The following NPHP4 variants were observed in gnomAD, a reference collection of about 807,000 sequenced individuals.
The protein encoded by NPHP4 is nephrocystin 4.
In NPHP4, 151 loss-of-function variants were observed where a neutral mutation model predicts 155.8. That is an observed-to-expected ratio of 0.97 (90% CI 0.85 to 1.11). The LOEUF (loss-of-function observed/expected upper bound fraction) is 1.11. NPHP4 is among the 50% of genes least tolerant of loss of function. The probability of loss-of-function intolerance (pLI) is 0.00; values close to 1 mark genes in which losing one functional copy is unlikely to be tolerated. For synonymous variants in NPHP4, 845 were observed against 816.8 expected, an observed-to-expected ratio of 1.03 and a Z score of -0.59; for missense variants, 1,956 against 1,925.7, an observed-to-expected ratio of 1.02 and a Z score of -0.29.
chr1:5,907,452 T>C (rs1644966980), intron 12 of NPHP4, among the ~76,000 whole-genome samples: 1 of 152,214 alleles, frequency 6.6e-6, no homozygotes, highest in South Asian at 2.1e-4. Flanking sequence ...CAGATCATAA[T>C]ATCTGAATAA....
At chr1:5,909,849 T>G (rs1230549319) in intron 11 of NPHP4, among the ~76,000 whole-genome samples, 1 of 152,134 alleles carries the variant, frequency 6.6e-6, no homozygotes, top group Non-Finnish European at 1.5e-5. Flanking sequence ...ATCCAGGGGC[T>G]GCCTAAAGAG....
rs2100459029 is a variant in NPHP4 at position 5,867,410 on chromosome 1, T to G, written c.3473-295A>C. 1.8e-6 allele frequency: 1 copy of G among 547,252 alleles called. No homozygotes were observed. The highest frequency in any genetic ancestry group is 3.3e-6 in the Non-Finnish European group (1 of 306,968). 33.9% of individuals were successfully genotyped at this position (547,252 alleles called of 1,614,324 possible). On this transcript the variant is annotated intron_variant, in intron 24 of 29. Coordinates refer to ENST00000378156, the MANE Select transcript of NPHP4 (RefSeq NM_015102.5). The surrounding 1 kb of genome is among the most constrained non-coding windows in gnomAD (Gnocchi z 4.1). ...CTCCCTGGAGCAGGGAAGCCTGCACTCTGCTGTAAGGGGCACCTACCAGAA... is the reference window on the plus strand; with the variant it reads ...CTCCCTGGAGCAGGGAAGCCTGCACGCTGCTGTAAGGGGCACCTACCAGAA...
intron 28 of NPHP4, 38 bp downstream of exon 28, chr1:5,864,300 C>A: frequency 6.5e-7 from 1 of 1,547,986 alleles, no homozygotes; most frequent in South Asian, 1.2e-5. Flanking sequence ...GGTATTGAGC[C>A]CCCATCCCCT....
intron 1 of NPHP4, among the ~76,000 whole-genome samples, chr1:5,990,010 G>A (rs528529873): frequency 5.9e-5 from 9 of 152,322 alleles, no homozygotes; most frequent in Admixed American, 3.9e-4. Flanking sequence ...CACGGAGGCC[G>A]AGGTGACACC....
chr1:5,948,326 C>T (rs1463954790), intron 7 of NPHP4, 75 bp from the exon 8 acceptor site: 27 of 1,158,206 alleles, frequency 2.3e-5, no homozygotes, highest in South Asian at 2.3e-4. Context: ...CTGGGGGAGG[C>T]GAGCAGAGAG....
chr1:5,875,521 G>C (rs540544090), intron 20 of NPHP4, among the ~76,000 whole-genome samples: 2 of 152,350 alleles, frequency 1.3e-5, no homozygotes, highest in South Asian at 2.1e-4. Context: ...GTCCACAGGA[G>C]AGGACATGCC....
chr1:5,961,711 G>T, intron 6 of NPHP4, 83 bp downstream of exon 6: 1 of 1,395,804 alleles, frequency 7.2e-7, no homozygotes, highest in Non-Finnish European at 9.9e-7. Context: ...GCTGCCCCCA[G>T]AAGAGCCCAG....
intron 9 of NPHP4, among the ~76,000 whole-genome samples, chr1:5,938,653 C>G (rs992881714): frequency 6.6e-6 from 1 of 152,234 alleles, no homozygotes; most frequent in Non-Finnish European, 1.5e-5. Flanking sequence ...AAATTTAACC[C>G]TTTTCCCATT....
chr1:5,879,210 C>A (rs1642950635), intron 19 of NPHP4: 1 of 241,184 alleles, frequency 4.1e-6, no homozygotes, highest in Non-Finnish European at 8.2e-6. Flanking sequence ...CAAGGCCCAG[C>A]AACACACAAA....
At chr1:5,983,226 T>C (rs931500908) in intron 2 of NPHP4, among the ~76,000 whole-genome samples, 1 of 152,220 alleles carries the variant, frequency 6.6e-6, no homozygotes, top group Non-Finnish European at 1.5e-5. Context: ...TTCCCTTTAG[T>C]TCTGTCCAAT....
chr1:5,991,198 C>A (rs1656217910), intron 1 of NPHP4, among the ~76,000 whole-genome samples: 1 of 152,132 alleles, frequency 6.6e-6, no homozygotes, highest in Non-Finnish European at 1.5e-5. Flanking sequence ...GCCTGGAATT[C>A]CCTCATTCAT....
At chr1:5,880,263 A>T in intron 18 of NPHP4, 24 bp from the exon 19 acceptor site, 5 of 1,612,026 alleles carry the variant, frequency 3.1e-6, no homozygotes, top group Non-Finnish European at 4.2e-6. Flanking sequence ...ATCCCAACAT[A>T]AGACATGAAC....
At chr1:5,896,575 T>C (rs187700816) in intron 16 of NPHP4, among the ~76,000 whole-genome samples, 3 of 152,354 alleles carry the variant, frequency 2.0e-5, no homozygotes, top group Admixed American at 6.5e-5. Context: ...TGATTTTCTG[T>C]GTAAGACACA....
intron 9 of NPHP4, among the ~76,000 whole-genome samples, chr1:5,941,542 A>G (rs1042518242): frequency 6.6e-6 from 1 of 152,246 alleles, no homozygotes; most frequent in African/African-American, 2.4e-5. Context: ...ACAGATAAAG[A>G]GCAAATATCC....
In NPHP4 at chr1:5,887,443, C is replaced by T. The variant is rs770986448; in HGVS notation, c.2328G>A (p.Pro776=). ...CAAGCTCGTGGGAGGCCTGCACAGC[C>T]GGCCGGCCTTGGCGGAGGAGATGCT... ...QMKHLLRQGR[P]AVQASHELEV... Residue 776 remains proline, a synonymous_variant, in exon 18 of 30, where the codon CCG becomes CCA. Coordinates refer to ENST00000378156, the MANE Select transcript of NPHP4 (RefSeq NM_015102.5). The T allele has an allele frequency of 8.1e-6, 13 of 1,613,138 alleles. No individual in the cohort carries two copies. The Admixed American group carries it at 8.3e-5, about 10-fold the overall frequency.
chr1:5,904,425 G>C (rs574721138), intron 16 of NPHP4, among the ~76,000 whole-genome samples, 192 bp downstream of exon 16: 3 of 152,206 alleles, frequency 2.0e-5, no homozygotes, highest in African/African-American at 4.8e-5. Context: ...ACCCTGGCTT[G>C]GGGGAGGACG....
intron 11 of NPHP4, among the ~76,000 whole-genome samples, chr1:5,917,681 GA>G (rs1175702239): frequency 6.6e-6 from 1 of 152,192 alleles, no homozygotes; most frequent in African/African-American, 2.4e-5. Context: ...ACAGATGAAT[GA>G]AACAGTCCCC....
intron 16 of NPHP4, among the ~76,000 whole-genome samples, chr1:5,900,883 A>T (rs1487627468): frequency 6.6e-6 from 1 of 152,038 alleles, no homozygotes; most frequent in African/African-American, 2.4e-5. Context: ...CTACAAAAAA[A>T]ATATTAGTTG....
intron 29 of NPHP4, 186 bp downstream of exon 29, chr1:5,863,704 T>C: frequency 3.0e-6 from 2 of 660,240 alleles, no homozygotes; most frequent in Non-Finnish European, 5.3e-6. Flanking sequence ...GGAGAAACTT[T>C]GCTAAATCTC....
Sources: allele counts gnomAD v4.1 joint callset (sites outside exome capture counted in the v4.1 genomes callset), GRCh38; gene constraint gnomAD v4.1.1; non-coding constraint Gnocchi (gnomAD v3.1); transcripts MANE v1.5; gene names NCBI Gene and HGNC (gene_info 2026-07-23, HGNC 2026-07-21).